PCCA: variants seen among roughly 807,000 people sequenced by gnomAD.
PCCA encodes the protein propionyl-CoA carboxylase alpha chain, mitochondrial.
A neutral mutation model predicts 101.3 loss-of-function variants in PCCA; 74 were observed. The observed-to-expected ratio is 0.73, with a 90% CI of 0.61 to 0.89. The LOEUF (loss-of-function observed/expected upper bound fraction) is 0.89, where lower values mean the gene tolerates loss of function less well. PCCA is among the 40% of genes least tolerant of loss of function. PCCA has a pLI of 0.00. For missense variants in PCCA, 891 were observed against 907.0 expected, an observed-to-expected ratio of 0.98 and a Z score of 0.23; for synonymous variants, 294 against 313.6, an observed-to-expected ratio of 0.94 and a Z score of 0.66.
At chr13:100,400,510 G>A (rs966139575) in intron 19 of PCCA, among the ~76,000 whole-genome samples, 1 of 151,938 alleles carries the variant, frequency 6.6e-6, no homozygotes, top group African/African-American at 2.4e-5. Flanking sequence ...GGGAATTATA[G>A]TGTTGGGGTG....
At chr13:100,413,846 G>T (rs986965259) in intron 19 of PCCA, among the ~76,000 whole-genome samples, 1 of 152,182 alleles carries the variant, frequency 6.6e-6, no homozygotes, top group African/African-American at 2.4e-5. Context: ...TTTATGTAAA[G>T]AACTCATCTA....
chr13:100,528,694 C>T (rs1360175800), intron 23 of PCCA, among the ~76,000 whole-genome samples: 2 of 152,190 alleles, frequency 1.3e-5, no homozygotes, highest in African/African-American at 4.8e-5. Flanking sequence ...TGGACAGTTG[C>T]ACTGTGCTGG....
At chr13:100,147,509 A>T (rs1192634720) in intron 4 of PCCA, among the ~76,000 whole-genome samples, 13 of 152,164 alleles carry the variant, frequency 8.5e-5, no homozygotes, top group African/African-American at 3.1e-4. Flanking sequence ...ACACTTTTTT[A>T]AAAATATTGA....
chr13:100,495,197 C>T (rs2085190033), intron 21 of PCCA, among the ~76,000 whole-genome samples: 1 of 152,148 alleles, frequency 6.6e-6, no homozygotes, highest in Non-Finnish European at 1.5e-5. Context: ...TTAATCCAGG[C>T]TTTCGGCTGC....
chr13:100,364,904 G>A (rs1447673876), intron 18 of PCCA, among the ~76,000 whole-genome samples: 1 of 152,052 alleles, frequency 6.6e-6, no homozygotes, highest in Non-Finnish European at 1.5e-5. Flanking sequence ...AAAAAAGCCA[G>A]ACCTGGTGGT....
intron 6 of PCCA, among the ~76,000 whole-genome samples, chr13:100,202,335 C>G (rs115304134): frequency 5.9e-5 from 9 of 151,980 alleles, no homozygotes; most frequent in Non-Finnish European, 1.2e-4. Flanking sequence ...CCCTGTTCCA[C>G]GAAAAGAACA....
intron 17 of PCCA, among the ~76,000 whole-genome samples, chr13:100,334,172 G>T (rs1323318869): frequency 6.6e-6 from 1 of 152,160 alleles, no homozygotes; most frequent in Non-Finnish European, 1.5e-5. Flanking sequence ...GGATGAGGTA[G>T]CATTTAGACT....
intron 21 of PCCA, among the ~76,000 whole-genome samples, chr13:100,489,025 G>C (rs1249418470): frequency 6.6e-6 from 1 of 152,070 alleles, no homozygotes; most frequent in Non-Finnish European, 1.5e-5. Context: ...TAAAGTTTTG[G>C]CTGGGTGCGG....
Position 100,263,881 on chromosome 13 carries a change from GGTATCTGTATGTCATAGATACA to G in PCCA, c.819+1072_819+1093del, listed in dbSNP as rs1566822059. Among the ~76,000 whole-genome samples, 87 of 142,866 alleles carry G rather than the reference GGTATCTGTATGTCATAGATACA, an allele frequency of 6.1e-4. 3 individuals carry two copies. In the South Asian group the frequency reaches 0.015, roughly 25 times the overall value. The allele number at this position is 142,866 out of a possible 152,430, so 93.7% of individuals were successfully genotyped here. ...TGGTATCTGTATATCGTATATATAT[GGTATCTGTATGTCATAGATACA>G]GTATCTGTATGTCATAGATACGGTA... On this transcript the variant is annotated intron_variant, in intron 10 of 23. Transcript: ENST00000376285.
At chr13:100,341,872 G>A (rs1192985551) in intron 18 of PCCA, among the ~76,000 whole-genome samples, 1 of 150,146 alleles carries the variant, frequency 6.7e-6, no homozygotes, top group Non-Finnish European at 1.5e-5. Flanking sequence ...TCTGAAAAGG[G>A]CTTAAAAAGA....
chr13:100,439,385 G>T lies in PCCA; in HGVS notation c.1846-9867G>T, dbSNP rs569569872. On this transcript the variant is annotated intron_variant, in intron 20 of 23. Transcript: ENST00000376285. ...AAACGTGGAATGATTTCCTGCCTGT[G>T]GCATATAATTAAAGTGATGAAACAA... Among the ~76,000 whole-genome samples, 272 of 152,188 alleles carry T rather than the reference G, an allele frequency of 1.8e-3. 1 individual carries two copies. The highest frequency in any genetic ancestry group is 4.1e-3 in the Admixed American group (63 of 15,268).
At chr13:100,143,963 T>C (rs1053737484) in intron 4 of PCCA, among the ~76,000 whole-genome samples, 29 of 151,802 alleles carry the variant, frequency 1.9e-4, no homozygotes, top group Non-Finnish European at 3.7e-4. Context: ...ATGGGGCCTC[T>C]GTGTTGCCCA....
chr13:100,386,759 A>G (rs1289303843), intron 19 of PCCA, among the ~76,000 whole-genome samples: 1 of 152,190 alleles, frequency 6.6e-6, no homozygotes, highest in Non-Finnish European at 1.5e-5. Context: ...TGTGCTTGTG[A>G]TATCCACAGA....
At chr13:100,527,951 A>G (rs967196774) in intron 23 of PCCA, among the ~76,000 whole-genome samples, 199 bp downstream of exon 23, 2 of 152,176 alleles carry the variant, frequency 1.3e-5, no homozygotes, top group Admixed American at 6.5e-5. Context: ...TGGCTTCCAA[A>G]AAGTCTGTGC....
chr13:100,122,252 TGTTA>T lies in PCCA; in HGVS notation c.300+10194_300+10197del, dbSNP rs566594420. Among the ~76,000 whole-genome samples the T allele has an allele frequency of 3.9e-3, 596 of 152,318 alleles. 5 individuals carry two copies. The highest frequency in any genetic ancestry group is 0.014 in the African/African-American group (569 of 41,568). ...TTTGTATATATTGCTGGATTCAGTTTGTTAGTATTTTATTAATTTTGTGTTCATA... is the reference window on the plus strand; with the variant it reads ...TTTGTATATATTGCTGGATTCAGTTTGTATTTTATTAATTTTGTGTTCATA... On this transcript the variant is annotated intron_variant, in intron 4 of 23. Transcript: ENST00000376285.
At chr13:100,476,397 A>G (rs963902871) in intron 21 of PCCA, among the ~76,000 whole-genome samples, 3 of 152,210 alleles carry the variant, frequency 2.0e-5, no homozygotes, top group Admixed American at 6.5e-5. Flanking sequence ...CCTGTTCTGG[A>G]GACCACCTAC....
intron 8 of PCCA, among the ~76,000 whole-genome samples, chr13:100,256,069 G>A (rs552679871): frequency 1.3e-5 from 2 of 152,048 alleles, no homozygotes; most frequent in East Asian, 1.9e-4. Flanking sequence ...GTGCAGTGGC[G>A]TAATCTTGGC....
intron 17 of PCCA, among the ~76,000 whole-genome samples, chr13:100,333,017 A>T (rs932035719): frequency 3.9e-5 from 6 of 152,196 alleles, no homozygotes; most frequent in African/African-American, 1.4e-4. Context: ...CATAAATCAC[A>T]AATGTTTTCA....
chr13:100,401,030 A>G (rs1024680741), intron 19 of PCCA, among the ~76,000 whole-genome samples: 1 of 152,180 alleles, frequency 6.6e-6, no homozygotes, highest in Non-Finnish European at 1.5e-5. Flanking sequence ...TATGTTCAAA[A>G]TACTGATCTT....
Sources: gnomAD v4.1 joint callset for allele counts (sites outside exome capture counted in the v4.1 genomes callset) on GRCh38, gnomAD v4.1.1 for gene constraint, MANE v1.5 for transcripts, NCBI Gene and HGNC (gene_info 2026-07-23, HGNC 2026-07-21) for gene names.